DOCK7: variants seen among roughly 807,000 people sequenced by gnomAD.
DOCK7 encodes the protein dedicator of cytokinesis 7, also known as dedicator of cytokinesis protein 7.
Under a neutral mutation model 271.0 loss-of-function variants are expected in DOCK7, and 138 were observed. That is an observed-to-expected ratio of 0.51 (90% confidence interval 0.44 to 0.59). The LOEUF is 0.59. Among genes scored for constraint, DOCK7 ranks in the 20% least tolerant of loss-of-function variants. The probability of loss-of-function intolerance (pLI) is 0.00; values close to 1 mark genes in which losing one functional copy is unlikely to be tolerated. For missense variants in DOCK7, 2,066 were observed against 2,592.4 expected (o/e 0.80, Z 4.41); for synonymous variants, 823 against 876.1 (o/e 0.94, Z 1.07).
At position 62,648,487 on chromosome 1, in the gene DOCK7, CCTTT is replaced by C. The variant is rs1438270423; in HGVS notation, c.443_446del (p.Glu148GlyfsTer35). ...AAACTTGTTTTGGCAAACCTTTTTG[CCTTT>C]CTTTCTGTTTATCTAATGTATTGGG... On this transcript the variant is annotated frameshift_variant, in exon 5 of 50. Coordinates refer to ENST00000635253, the MANE Select transcript of DOCK7 (RefSeq NM_001367561.1). LOFTEE classifies it high-confidence loss of function. 3.3e-6 allele frequency: 5 copies of C among 1,523,956 alleles called. No homozygotes were observed. Among genetic ancestry groups the C allele is most frequent in the Non-Finnish European group, 4.4e-6 (5 of 1,130,194 alleles). 94.4% of individuals were successfully genotyped at this position (1,523,956 alleles called of 1,614,324 possible). A position where few individuals can be genotyped will look rare whatever the true frequency, so the allele number is the denominator to read the frequency against.
At chr1:62,567,090 C>G (rs1396161496) in intron 18 of DOCK7, among the ~76,000 whole-genome samples, 1 of 152,190 alleles carries the variant, frequency 6.6e-6, no homozygotes, top group East Asian at 1.9e-4. Flanking sequence ...CACTTTTGCA[C>G]TGTTGGTGGG....
At chr1:62,560,232 G>A (rs1354572550) in intron 19 of DOCK7, among the ~76,000 whole-genome samples, 1 of 152,146 alleles carries the variant, frequency 6.6e-6, no homozygotes, top group African/African-American at 2.4e-5. Flanking sequence ...GCTTTGGGAA[G>A]TCCCTCCACA....
At chr1:62,652,845 T>A (rs1468860958) in intron 4 of DOCK7, among the ~76,000 whole-genome samples, 1 of 152,192 alleles carries the variant, frequency 6.6e-6, no homozygotes, top group Non-Finnish European at 1.5e-5. Flanking sequence ...ACAGCTCTTC[T>A]ATATAAAGGG....
chr1:62,673,876 A>G (rs987511262), intron 1 of DOCK7, among the ~76,000 whole-genome samples: 16 of 150,784 alleles, frequency 1.1e-4, no homozygotes, highest in African/African-American at 3.9e-4. Context: ...AGTTCTATTC[A>G]ACCTTGTACT....
chr1:62,553,310 T>TTTTATA (rs1645980552), intron 21 of DOCK7, among the ~76,000 whole-genome samples: 2 of 8,164 alleles, frequency 2.4e-4, no homozygotes, highest in African/African-American at 6.5e-4. Context: ...ATAAAAAGTA[T>TTTTATA]TTTATATATA....
intron 14 of DOCK7, among the ~76,000 whole-genome samples, chr1:62,612,949 T>C (rs1431455551): frequency 2.0e-5 from 3 of 152,240 alleles, no homozygotes; most frequent in African/African-American, 4.8e-5. Flanking sequence ...TACCATGTGT[T>C]CTGTGGACAT....
chr1:62,577,313 C>G lies in DOCK7; in HGVS notation c.2061G>C (p.Leu687Phe), dbSNP rs748122571. The G allele has an allele frequency of 1.3e-6, 2 of 1,591,374 alleles. No individual in the cohort carries two copies. Among genetic ancestry groups the G allele is most frequent in the Non-Finnish European group, 1.7e-6 (2 of 1,166,356 alleles). ...NGRLKTGQFC[L>F]PVSLEKPPQA... ...GTGGTGGTTTTTCCAATGAGACTGG[C>G]AAGCAAAACTGGCCAGTCTTCAACC... is the stretch of plus-strand genomic sequence containing the variant. Residue 687 changes from leucine (L) to phenylalanine (F), a missense_variant, in exon 18 of 50, where the codon TTG (leucine) becomes TTC (phenylalanine). Around this residue, in one of 2 missense-constraint regions of DOCK7, gnomAD observed 1,414 missense variants for 1,670.4 expected, o/e 0.85. Transcript: ENST00000635253.
chr1:62,578,480 G>A (rs1486066174), intron 17 of DOCK7, among the ~76,000 whole-genome samples: 1 of 152,094 alleles, frequency 6.6e-6, no homozygotes, highest in African/African-American at 2.4e-5. Context: ...AGCACTTTGG[G>A]AGGCCGAGGC....
chr1:62,584,552 A>G (rs1647277920), intron 15 of DOCK7: 1 of 1,166,464 alleles, frequency 8.6e-7, no homozygotes, highest in Admixed American at 4.4e-5. Context: ...CTGAGAAGCT[A>G]TCACTTTTCA....
At chr1:62,583,069 A>G (rs1328442393) in intron 16 of DOCK7, 115 bp downstream of exon 16, 1 of 768,094 alleles carries the variant, frequency 1.3e-6, no homozygotes, top group Admixed American at 2.3e-5. Flanking sequence ...CTCTGATGTC[A>G]GCCTTGAATT....
intron 9 of DOCK7, 112 bp from the exon 10 acceptor site, chr1:62,633,690 A>C: frequency 4.3e-6 from 3 of 702,844 alleles, no homozygotes; most frequent in Non-Finnish European, 7.3e-6. Flanking sequence ...AAAAAAATAT[A>C]TGACATCTCA....
chr1:62,559,257 T>C (rs138444732), intron 19 of DOCK7, 37 bp from the exon 20 acceptor site: 7 of 1,521,806 alleles, frequency 4.6e-6, no homozygotes, highest in East Asian at 2.3e-5. Context: ...TAAGCACTTA[T>C]AACTTTATAA....
intron 42 of DOCK7, chr1:62,487,824 C>A (rs1178251176): frequency 6.1e-6 from 1 of 164,088 alleles, no homozygotes; most frequent in African/African-American, 2.4e-5. Context: ...ATGTTCCAGA[C>A]CTAACATTTA....
chr1:62,622,535 C>T (rs974828097), intron 12 of DOCK7, among the ~76,000 whole-genome samples: 4 of 152,102 alleles, frequency 2.6e-5, no homozygotes, highest in African/African-American at 9.7e-5. Flanking sequence ...CTCACTGCAG[C>T]CTCAACCTCC....
chr1:62,611,455 T>C (rs1176057127), intron 14 of DOCK7, among the ~76,000 whole-genome samples: 1 of 152,212 alleles, frequency 6.6e-6, no homozygotes, highest in East Asian at 1.9e-4. Flanking sequence ...GAGTATCATA[T>C]GGGTGCTTGA....
At chr1:62,625,502 C>A in intron 11 of DOCK7, 101 bp from the exon 12 acceptor site, 1 of 1,195,924 alleles carries the variant, frequency 8.4e-7, no homozygotes, top group Non-Finnish European at 1.2e-6. Flanking sequence ...TTGAAAATTA[C>A]CCACTCAGCA....
chr1:62,510,763 CAAT>C (rs1571344280), intron 33 of DOCK7, 90 bp from the exon 34 acceptor site: 29 of 995,446 alleles, frequency 2.9e-5, no homozygotes, highest in Non-Finnish European at 4.2e-5. Flanking sequence ...AAATATACAA[CAAT>C]AATTTGTACA....
At chr1:62,664,042 T>C (rs1186971526) in intron 1 of DOCK7, among the ~76,000 whole-genome samples, 2 of 152,180 alleles carry the variant, frequency 1.3e-5, no homozygotes, top group Non-Finnish European at 2.9e-5. Flanking sequence ...ATGAAAGACA[T>C]AGAGGAACCT....
chr1:62,526,585 G>C (rs928513000), intron 31 of DOCK7, among the ~76,000 whole-genome samples: 2 of 152,030 alleles, frequency 1.3e-5, no homozygotes, highest in Admixed American at 6.5e-5. Context: ...ATCTACCTAA[G>C]AGAGATGAAA....
Sources: allele counts gnomAD v4.1 joint callset (sites outside exome capture counted in the v4.1 genomes callset), GRCh38; gene constraint gnomAD v4.1.1; regional missense constraint gnomAD v4.1.1; transcripts MANE v1.5; gene names NCBI Gene and HGNC (gene_info 2026-07-23, HGNC 2026-07-21).